The following MXD1 variants were observed in gnomAD, a reference collection of about 807,000 sequenced individuals.
MXD1 encodes the protein MAX-binding protein.
A neutral mutation model predicts 25.7 loss-of-function variants in MXD1; 9 were observed. The observed-to-expected ratio is 0.35, with a 90% CI of 0.21 to 0.61. MXD1 has a LOEUF of 0.61. Ranked by LOEUF, MXD1 falls within the 20% of genes least tolerant of loss-of-function variation. The pLI is 0.75. For missense variants in MXD1, 227 were observed against 292.4 expected (o/e 0.78, Z 1.63); for synonymous variants, 99 against 113.9 (o/e 0.87, Z 0.83).
In MXD1 at chr2:69,938,229, C is replaced by G. The variant is rs144479868; in HGVS notation, c.611C>G (p.Thr204Ser). Residue 204 changes from threonine (T) to serine (S), a missense_variant, in exon 6 of 6, where the codon ACC (threonine) becomes AGC (serine). Transcript: ENST00000264444. ...SLGSDEGYSS[T>S]SIKRIKLQDS... is the part of the protein sequence containing the mutation. Reference sequence around the variant, plus strand: ...GGCAGTGATGAGGGCTATTCCAGCACCAGCATCAAGAGAATAAAGCTGCAG... The same window carrying G: ...GGCAGTGATGAGGGCTATTCCAGCAGCAGCATCAAGAGAATAAAGCTGCAG... 1 of 1,614,174 alleles carries G rather than the reference C, an allele frequency of 6.2e-7. No individual in the cohort carries two copies. The highest frequency in any genetic ancestry group is 1.7e-5 in the Admixed American group (1 of 60,030).
Position 69,937,271 on chromosome 2 carries a change from A to G in MXD1, c.355A>G (p.Ile119Val). Residue 119 changes from isoleucine to valine, a missense_variant, in exon 5 of 6, where the codon ATC becomes GTC. Ile to Val is a conservative substitution (Grantham distance 29, BLOSUM62 3). Transcript: ENST00000264444. ...TTGTGACAGAAAAGCCGTTCACCAA[A>G]TCGACCAGCTTCAGCGAGAGCAGCG... is the stretch of plus-strand genomic sequence containing the variant. ...EDCDRKAVHQ[I>V]DQLQREQRHL... The G allele has an allele frequency of 6.2e-7, 1 of 1,614,150 alleles. No individual in the cohort carries two copies. Among genetic ancestry groups the G allele is most frequent in the Non-Finnish European group, 8.5e-7 (1 of 1,179,992 alleles).
At position 69,921,833 on chromosome 2, in the gene MXD1, C is replaced by G. The variant is rs187283137; in HGVS notation, c.203+68C>G. ...GCATTCTCTGTTCATGCAGTTCAAA[C>G]TTGGTTGCTCTTTTTGACTCTTCCC... On this transcript the variant is annotated intron_variant, in intron 3 of 5. Coordinates refer to ENST00000264444, the MANE Select transcript of MXD1 (RefSeq NM_002357.4). 4.1e-5 allele frequency: 63 copies of G among 1,543,704 alleles called. No individual in the cohort carries two copies. The African/African-American group carries it at 7.3e-4, about 18-fold the overall frequency.
chr2:69,938,143 T>C lies in MXD1; in HGVS notation c.525T>C (p.Asp175=), dbSNP rs772514901. 3 of 1,614,170 alleles carry C rather than the reference T, an allele frequency of 1.9e-6. No individual in the cohort carries two copies. In the Admixed American group the frequency reaches 5.0e-5, roughly 27 times the overall value. The change falls in exon 6 of 6, where the codon GAT becomes GAC. Residue 175 remains aspartate, a synonymous_variant. Coordinates refer to ENST00000264444, the MANE Select transcript of MXD1 (RefSeq NM_002357.4). ...AGAGCACGGACTATCTCACAGGTGATCTGGACTGGAGCAGCAGCAGTGTGA... is the reference window on the plus strand; with the variant it reads ...AGAGCACGGACTATCTCACAGGTGACCTGGACTGGAGCAGCAGCAGTGTGA... The part of the protein sequence containing the change: ...DVESTDYLTG[D]LDWSSSSVSD...
At chr2:69,921,841 C>T (rs1677069567) in intron 3 of MXD1, 76 bp downstream of exon 3, 3 of 1,412,092 alleles carry the variant, frequency 2.1e-6, no homozygotes, top group African/African-American at 1.4e-5. Flanking sequence ...AACTTGGTTG[C>T]TCTTTTTGAC....
Position 69,937,718 on chromosome 2 carries a change from G to A in MXD1, c.478+324G>A, listed in dbSNP as rs190041176. ...CAACCTCCGCCTCCCGGGTTCAAGC[G>A]ATTCCCCTGCCTAAGCCTCCCAAGC... On this transcript the variant is annotated intron_variant, in intron 5 of 5. Transcript: ENST00000264444. Among the ~76,000 whole-genome samples, 268 of 152,270 alleles carry A rather than the reference G, an allele frequency of 1.8e-3. 3 individuals are homozygous for A. Among genetic ancestry groups the A allele is most frequent in the Non-Finnish European group, 5.1e-4 (35 of 68,008 alleles).
At position 69,915,317 on chromosome 2, in the gene MXD1, G is replaced by C; in HGVS notation, c.-14G>C. The C allele has an allele frequency of 7.6e-7, 1 of 1,308,684 alleles. No homozygotes were observed. The highest frequency in any genetic ancestry group is 9.8e-7 in the Non-Finnish European group (1 of 1,019,952). The allele number at this position is 1,308,684 out of a possible 1,614,324, so 81.1% of individuals were successfully genotyped here. A position where few individuals can be genotyped will look rare whatever the true frequency, so the allele number is the denominator to read the frequency against. Reference sequence around the variant, plus strand: ...AGTGGGGGTTGGTCCCGTGGCTCCGGCCCCCGGTGCAGAATGGCGGCGGCG... The same window carrying C: ...AGTGGGGGTTGGTCCCGTGGCTCCGCCCCCCGGTGCAGAATGGCGGCGGCG... On this transcript the variant is annotated 5_prime_UTR_variant, in exon 1 of 6. Coordinates refer to ENST00000264444, the MANE Select transcript of MXD1 (RefSeq NM_002357.4). This position sits in a 1 kb window ranked among gnomAD's most constrained non-coding sequence, Gnocchi z 5.8.
At chr2:69,921,223 G>T (rs1026710676) in intron 2 of MXD1, among the ~76,000 whole-genome samples, 3 of 152,178 alleles carry the variant, frequency 2.0e-5, no homozygotes, top group Admixed American at 6.5e-5. Context: ...GTAGCATCTT[G>T]TACATGATAG....
intron 2 of MXD1, among the ~76,000 whole-genome samples, chr2:69,918,700 C>T (rs756818247): frequency 1.3e-5 from 2 of 152,090 alleles, no homozygotes; most frequent in Admixed American, 1.3e-4. Context: ...ATCTCAGATA[C>T]GCCGTAATTT....
At chr2:69,935,291 C>T (rs1327130500) in intron 3 of MXD1, 60 bp from the exon 4 acceptor site, 6 of 1,213,436 alleles carry the variant, frequency 4.9e-6, no homozygotes, top group Non-Finnish European at 7.3e-6. Flanking sequence ...CTCATTCTGC[C>T]TGGGGTGCTT....
intron 3 of MXD1, among the ~76,000 whole-genome samples, chr2:69,931,969 G>T (rs1217097750): frequency 2.0e-5 from 3 of 152,142 alleles, no homozygotes; most frequent in Non-Finnish European, 4.4e-5. Flanking sequence ...AAGATGTGAT[G>T]GGAGGAGAGT....
intron 2 of MXD1, among the ~76,000 whole-genome samples, chr2:69,919,676 T>G (rs970902063): frequency 6.6e-6 from 1 of 152,146 alleles, no homozygotes; most frequent in Non-Finnish European, 1.5e-5. Context: ...TTGAACTTAC[T>G]AGTCCCGGTT....
Position 69,942,854 on chromosome 2 carries a change from C to T in MXD1, c.*4570C>T, listed in dbSNP as rs1677642636. ...CAGTTAGCACATGCATTTTTAGAAACTACTACATGTTTTAGAGAATCTTTG... is the reference window on the plus strand; with the variant it reads ...CAGTTAGCACATGCATTTTTAGAAATTACTACATGTTTTAGAGAATCTTTG... On this transcript the variant is annotated 3_prime_UTR_variant, in exon 6 of 6. Transcript: ENST00000264444. The T allele has an allele frequency of 1.3e-5, 2 of 152,034 alleles. No individual in the cohort carries two copies. The highest frequency in any genetic ancestry group is 2.9e-5 in the Non-Finnish European group (2 of 68,012). The allele number at this position is 152,034 out of a possible 1,614,324, so 9.4% of individuals were successfully genotyped here.
chr2:69,920,038 G>T (rs530198358), intron 2 of MXD1, among the ~76,000 whole-genome samples: 1 of 151,404 alleles, frequency 6.6e-6, no homozygotes, highest in East Asian at 2.0e-4. Flanking sequence ...TTGAGATGGA[G>T]TCTCCCTCTG....
In MXD1 at chr2:69,915,486, T is replaced by TC; in HGVS notation, c.73+85dup. The TC allele has an allele frequency of 8.7e-7, 1 of 1,145,466 alleles. No individual in the cohort carries two copies. The highest frequency in any genetic ancestry group is 1.1e-6 in the Non-Finnish European group (1 of 893,670). The allele number at this position is 1,145,466 out of a possible 1,614,324, so 71.0% of individuals were successfully genotyped here. A position where few individuals can be genotyped will look rare whatever the true frequency, so the allele number is the denominator to read the frequency against. ...GCCTCAGGTCCGGGCGCCCAGCCGC[T>TC]CCGGGGGTGGTTGGAGGCGGGGAGA... On this transcript the variant is annotated intron_variant, in intron 1 of 5. Coordinates refer to ENST00000264444, the MANE Select transcript of MXD1 (RefSeq NM_002357.4). The surrounding 1 kb of genome is among the most constrained non-coding windows in gnomAD (Gnocchi z 5.8).
intron 3 of MXD1, among the ~76,000 whole-genome samples, chr2:69,923,255 A>T (rs756314240): frequency 2.6e-5 from 4 of 152,184 alleles, no homozygotes; most frequent in Admixed American, 6.5e-5. Context: ...AAAGCTCCCC[A>T]GGTGATTCTC....
intron 3 of MXD1, among the ~76,000 whole-genome samples, chr2:69,929,653 A>T (rs2104188048): frequency 6.6e-6 from 1 of 152,368 alleles, no homozygotes; most frequent in Non-Finnish European, 1.5e-5. Context: ...AAGGAAAACT[A>T]ACAGCAGAAA....
intron 3 of MXD1, among the ~76,000 whole-genome samples, chr2:69,928,618 G>A (rs1268694419): frequency 6.6e-6 from 1 of 151,482 alleles, no homozygotes; most frequent in East Asian, 1.9e-4. Flanking sequence ...TGTAATCCCA[G>A]CACTTTAGGA....
chr2:69,929,124 C>A (rs749577863), intron 3 of MXD1, among the ~76,000 whole-genome samples: 13 of 152,188 alleles, frequency 8.5e-5, no homozygotes, highest in Non-Finnish European at 1.3e-4. Flanking sequence ...AACTCCTGGC[C>A]TCAAGTGATC....
intron 2 of MXD1, 42 bp downstream of exon 2, chr2:69,916,262 G>C (rs185093581): frequency 8.3e-7 from 1 of 1,198,972 alleles, no homozygotes; most frequent in East Asian, 2.4e-5. Context: ...AGATTATATT[G>C]TAGGTGACAC....
Sources: gnomAD v4.1 joint callset for allele counts (sites outside exome capture counted in the v4.1 genomes callset) on GRCh38, gnomAD v4.1.1 for gene constraint, Gnocchi (gnomAD v3.1) non-coding constraint, MANE v1.5 for transcripts, NCBI Gene and HGNC (gene_info 2026-07-23, HGNC 2026-07-21) for gene names.